The following SAMD4A variants were observed in gnomAD, a reference collection of about 807,000 sequenced individuals.
SAMD4A encodes the protein protein Smaug homolog 1.
Under a neutral mutation model 81.3 loss-of-function variants are expected in SAMD4A, and 33 were observed. The observed-to-expected ratio is 0.41, with a 90% CI of 0.31 to 0.54. The LOEUF is 0.54. SAMD4A is among the 20% of genes least tolerant of loss of function. The pLI is 0.37. For missense variants in SAMD4A, 854 were observed against 951.1 expected, an observed-to-expected ratio of 0.90 and a Z score of 1.34; for synonymous variants, 389 against 382.1, an observed-to-expected ratio of 1.02 and a Z score of -0.21.
chr14:54,610,251 G>A (rs1448915846), intron 2 of SAMD4A, among the ~76,000 whole-genome samples: 4 of 152,038 alleles, frequency 2.6e-5, no homozygotes, highest in Non-Finnish European at 5.9e-5. Context: ...ACTAAAATGC[G>A]ACCAAGTCAG....
intron 2 of SAMD4A, among the ~76,000 whole-genome samples, chr14:54,637,782 T>G (rs936665651): frequency 6.6e-6 from 1 of 152,192 alleles, no homozygotes; most frequent in African/African-American, 2.4e-5. Context: ...TTGATACTAG[T>G]TACATTAAAT....
At chr14:54,696,258 T>G (rs2036575596) in intron 2 of SAMD4A, among the ~76,000 whole-genome samples, 1 of 152,252 alleles carries the variant, frequency 6.6e-6, no homozygotes, top group African/African-American at 2.4e-5. Context: ...TGCCCTGGGC[T>G]GAAAAATATC....
chr14:54,634,109 A>G (rs2034970642), intron 2 of SAMD4A, among the ~76,000 whole-genome samples: 1 of 152,036 alleles, frequency 6.6e-6, no homozygotes, highest in African/African-American at 2.4e-5. Flanking sequence ...AAGATGGTGA[A>G]ACCCTGTCTG....
chr14:54,678,453 GT>G, intron 2 of SAMD4A, among the ~76,000 whole-genome samples: 1 of 43,026 alleles, frequency 2.3e-5, no homozygotes. Flanking sequence ...GTGTGTGTGT[GT>G]GTGTGTGTGT....
chr14:54,749,586 A>G (rs1461392360), intron 5 of SAMD4A, among the ~76,000 whole-genome samples: 1 of 152,204 alleles, frequency 6.6e-6, no homozygotes, highest in Non-Finnish European at 1.5e-5. Context: ...TGCATGCCAT[A>G]AAAATACAAA....
chr14:54,679,204 T>A (rs17127744), intron 2 of SAMD4A, among the ~76,000 whole-genome samples: 4,250 of 152,302 alleles, frequency 0.028, 105 homozygotes, highest in East Asian at 0.086. Flanking sequence ...TTCTAATGTG[T>A]CTACAATGCA....
At chr14:54,652,790 G>T (rs771787890) in intron 2 of SAMD4A, 1 of 151,864 alleles carries the variant, frequency 6.6e-6, no homozygotes, top group African/African-American at 2.4e-5. Flanking sequence ...ACTTAATCTC[G>T]GACTCTTCAT....
At chr14:54,773,465 CTCT>C (rs933772773) in intron 9 of SAMD4A, among the ~76,000 whole-genome samples, 4 of 152,240 alleles carry the variant, frequency 2.6e-5, no homozygotes, top group African/African-American at 9.6e-5. Flanking sequence ...CTACAGCTGA[CTCT>C]TCTTGGAAAG....
At chr14:54,633,377 G>A (rs924529261) in intron 2 of SAMD4A, among the ~76,000 whole-genome samples, 2 of 152,198 alleles carry the variant, frequency 1.3e-5, no homozygotes, top group Non-Finnish European at 2.9e-5. Flanking sequence ...GCAGGGCTGT[G>A]AGTAGACAGG....
At chr14:54,724,731 G>A (rs2037370576) in intron 3 of SAMD4A, among the ~76,000 whole-genome samples, 1 of 152,184 alleles carries the variant, frequency 6.6e-6, no homozygotes, top group African/African-American at 2.4e-5. Context: ...CAGACATTAG[G>A]AGACCTGGGA....
intron 2 of SAMD4A, among the ~76,000 whole-genome samples, chr14:54,669,203 A>G (rs1344230728): frequency 6.6e-6 from 1 of 152,148 alleles, no homozygotes; most frequent in African/African-American, 2.4e-5. Context: ...CCTACTCATT[A>G]GAGGAGACAC....
In SAMD4A at chr14:54,767,566, C is replaced by T. The variant is rs1176717294; in HGVS notation, c.1597-2538C>T. Among the ~76,000 whole-genome samples the T allele has an allele frequency of 4.6e-5, 7 of 152,220 alleles. No homozygotes were observed. In the South Asian group the frequency reaches 1.2e-3, roughly 27 times the overall value. ...TCATCCAGCCACATATGCTGGGACACCATAGCCATCTTCCTCCAGACAGAT... is the reference window on the plus strand; with the variant it reads ...TCATCCAGCCACATATGCTGGGACATCATAGCCATCTTCCTCCAGACAGAT... On this transcript the variant is annotated intron_variant, in intron 8 of 12. Transcript: ENST00000554335.
rs148091712 is a variant in SAMD4A at position 54,759,906 on chromosome 14, G to A, written c.1177-255G>A. Among the ~76,000 whole-genome samples the A allele has an allele frequency of 4.1e-3, 631 of 152,278 alleles. 5 individuals are homozygous for A. The highest frequency in any genetic ancestry group is 0.014 in the African/African-American group (592 of 41,562). On this transcript the variant is annotated intron_variant, in intron 6 of 12. Coordinates refer to ENST00000554335, the MANE Select transcript of SAMD4A (RefSeq NM_015589.6). ...AAAGGAAATATACCAAATTGTTTTC[G>A]TGGTCATCTCTAGATAGTGGGATTT...
At chr14:54,717,638 C>T (rs1415529134) in intron 3 of SAMD4A, among the ~76,000 whole-genome samples, 1 of 152,032 alleles carries the variant, frequency 6.6e-6, no homozygotes, top group Non-Finnish European at 1.5e-5. Context: ...GCTCTAAATT[C>T]ACCTGGAATC....
intron 2 of SAMD4A, among the ~76,000 whole-genome samples, chr14:54,623,856 C>T (rs950498156): frequency 6.6e-5 from 10 of 152,342 alleles, no homozygotes; most frequent in Admixed American, 6.5e-4. Context: ...GCCCCTTCTC[C>T]TCTAACTTAA....
rs2038804284 is a variant in SAMD4A, at chr14:54,774,999, G to A, written c.1781G>A (p.Arg594Gln). The change falls in exon 10 of 13, where the codon CGG (arginine) becomes CAG (glutamine). Residue 594 changes from arginine (R) to glutamine (Q), a missense_variant. Physicochemically the swap from Arg to Gln is conservative, Grantham distance 43 (BLOSUM62 1). This residue lies in a region of SAMD4A where 428 missense variants were observed against 471.2 expected (regional missense o/e 0.91). Transcript: ENST00000554335. The part of the protein sequence containing the change: ...AGSVGGGMGR[R>Q]NPRQYQIPSR... ...TCTGTGGGCGGTGGCATGGGCAGAC[G>A]GAACCCGCGCCAGTACCAGATCCCC... 10 of 1,613,996 alleles carry A rather than the reference G, an allele frequency of 6.2e-6. No individual in the cohort carries two copies. The East Asian group carries it at 6.7e-5, about 11-fold the overall frequency.
At chr14:54,626,736 T>A (rs1252697071) in intron 2 of SAMD4A, among the ~76,000 whole-genome samples, 1 of 152,184 alleles carries the variant, frequency 6.6e-6, no homozygotes, top group Non-Finnish European at 1.5e-5. Flanking sequence ...GAACAGCAAT[T>A]CTCTGTTCAA....
intron 8 of SAMD4A, among the ~76,000 whole-genome samples, chr14:54,766,436 A>G (rs2038545713): frequency 6.6e-6 from 1 of 152,202 alleles, no homozygotes; most frequent in Non-Finnish European, 1.5e-5. Flanking sequence ...GCCTCTGATA[A>G]GGTCATCCCT....
At chr14:54,566,348 C>T (rs2032932509), upstream of SAMD4A, among the ~76,000 whole-genome samples, 1 of 151,782 alleles carries the variant, frequency 6.6e-6, no homozygotes, top group Admixed American at 6.6e-5. Flanking sequence ...GCGGGGGACC[C>T]GCGGGTCACT....
Sources: allele counts gnomAD v4.1 joint callset (sites outside exome capture counted in the v4.1 genomes callset), GRCh38; gene constraint gnomAD v4.1.1; regional missense constraint gnomAD v4.1.1; transcripts MANE v1.5; gene names NCBI Gene and HGNC (gene_info 2026-07-23, HGNC 2026-07-21).